Variants in NRXN3 observed in about 807,000 individuals in gnomAD.
The protein encoded by NRXN3 is neurexin 3, also known as neurexin III.
A neutral mutation model predicts 137.6 loss-of-function variants in NRXN3; 32 were observed. That is an observed-to-expected ratio of 0.23 (90% CI 0.18 to 0.31). The LOEUF (loss-of-function observed/expected upper bound fraction) is 0.31, where lower values mean the gene tolerates loss of function less well. NRXN3 is among the 10% of genes least tolerant of loss of function. The pLI is 1.00. For missense variants in NRXN3, 1,574 were observed against 2,062.5 expected, an observed-to-expected ratio of 0.76 and a Z score of 4.59; for synonymous variants, 798 against 784.5, an observed-to-expected ratio of 1.02 and a Z score of -0.29.
rs2153529713 is a variant in NRXN3, at chr14:78,300,243, T to C, written c.757+2383T>C. Among the ~76,000 whole-genome samples, 2 of 152,392 alleles carry C rather than the reference T, an allele frequency of 1.3e-5. 1 individual carries two copies. Among genetic ancestry groups the C allele is most frequent in the Middle Eastern group, 6.8e-3 (2 of 294 alleles). ...TCTTGGTCCTCATAACTCATATTAA[T>C]GTTAGGAAAATACAGGAGAACCTAG... On this transcript the variant is annotated intron_variant, in intron 4 of 20. Transcript: ENST00000335750.
intron 8 of NRXN3, among the ~76,000 whole-genome samples, chr14:78,745,612 T>C (rs2098603519): frequency 6.6e-6 from 1 of 152,234 alleles, no homozygotes; most frequent in South Asian, 2.1e-4. Flanking sequence ...TGCGTTTGCC[T>C]CTTTTCCAGA....
At chr14:79,309,832 G>A (rs1185489488) in intron 15 of NRXN3, among the ~76,000 whole-genome samples, 1 of 136,668 alleles carries the variant, frequency 7.3e-6, no homozygotes, top group East Asian at 2.3e-4. Flanking sequence ...CTGGATATTA[G>A]CCCTTTGTCA....
intron 8 of NRXN3, among the ~76,000 whole-genome samples, chr14:78,777,714 G>A (rs1011108865): frequency 6.6e-6 from 1 of 152,126 alleles, no homozygotes; most frequent in African/African-American, 2.4e-5. Flanking sequence ...CAAAAAATTA[G>A]GTGGTGCCTT....
chr14:78,612,086 C>T lies in NRXN3; in HGVS notation c.758-33034C>T, dbSNP rs536129308. ...AACAGCTTTCTGTTTTGCAAAAGACCGTGGTACATTGAGGTCCAGAGGACA... is the reference window on the plus strand; with the variant it reads ...AACAGCTTTCTGTTTTGCAAAAGACTGTGGTACATTGAGGTCCAGAGGACA... On this transcript the variant is annotated intron_variant, in intron 4 of 20. Coordinates refer to ENST00000335750, the MANE Select transcript of NRXN3 (RefSeq NM_001330195.2). 5.3e-5 allele frequency among the ~76,000 whole-genome samples: 8 copies of T among 152,216 alleles called. 1 individual carries two copies. The South Asian group carries it at 1.0e-3, about 20-fold the overall frequency.
At position 78,219,034 on chromosome 14, in the gene NRXN3, A is replaced by T. The variant is rs567764931; in HGVS notation, c.-703-23357A>T. Among the ~76,000 whole-genome samples the T allele has an allele frequency of 1.4e-3, 208 of 152,240 alleles. 2 individuals carry two copies. Among genetic ancestry groups the T allele is most frequent in the African/African-American group, 4.8e-3 (200 of 41,550 alleles). ...CTGTGTCCAAGTCACCACTTGTTAT[A>T]AGGACACCAGTTAGATTGGATTAGG... On this transcript the variant is annotated intron_variant, in intron 1 of 20. Transcript: ENST00000335750.
chr14:79,787,706 C>T (rs2099133433), intron 19 of NRXN3, among the ~76,000 whole-genome samples: 1 of 152,158 alleles, frequency 6.6e-6, no homozygotes, highest in African/African-American at 2.4e-5. Flanking sequence ...GCTCCATCCA[C>T]ATTGTTCCAA....
intron 4 of NRXN3, among the ~76,000 whole-genome samples, chr14:78,486,951 C>T (rs1301884565): frequency 1.3e-5 from 2 of 152,108 alleles, no homozygotes; most frequent in African/African-American, 4.8e-5. Context: ...AGCAAAGGGG[C>T]TTCCAAAGGA....
chr14:78,808,382 T>C (rs2098890217), intron 9 of NRXN3, among the ~76,000 whole-genome samples: 1 of 152,200 alleles, frequency 6.6e-6, no homozygotes, highest in South Asian at 2.1e-4. Flanking sequence ...ACCCACTTGT[T>C]GTTTGCAGTC....
intron 15 of NRXN3, among the ~76,000 whole-genome samples, chr14:79,269,311 A>G (rs1043376590): frequency 6.6e-6 from 1 of 152,184 alleles, no homozygotes; most frequent in Non-Finnish European, 1.5e-5. Flanking sequence ...GGCCTCCCAA[A>G]GTGCTGGGAT....
chr14:79,812,023 A>T (rs936267857), intron 20 of NRXN3, among the ~76,000 whole-genome samples: 1 of 152,200 alleles, frequency 6.6e-6, no homozygotes, highest in Non-Finnish European at 1.5e-5. Context: ...AATAGGAAAG[A>T]TCTACTAATT....
intron 19 of NRXN3, among the ~76,000 whole-genome samples, chr14:79,713,578 TATATACATATATATATACATACATATAC>T (rs534899401): frequency 0.032 from 4,469 of 138,522 alleles, 95 homozygotes; most frequent in Non-Finnish European, 0.048. Context: ...AGCTAGTTTA[TATATACATATATATATACATACATATAC>T]ATATACATAT....
intron 15 of NRXN3, among the ~76,000 whole-genome samples, chr14:79,409,780 C>T (rs2095386780): frequency 6.6e-6 from 1 of 151,584 alleles, no homozygotes; most frequent in Admixed American, 6.6e-5. Flanking sequence ...CATTCTCCAG[C>T]CCTTTGTTGT....
chr14:79,589,864 C>T (rs946172754), intron 16 of NRXN3, among the ~76,000 whole-genome samples: 3 of 152,112 alleles, frequency 2.0e-5, no homozygotes. Flanking sequence ...TTGCATAAAA[C>T]TGTAATAAAA....
intron 4 of NRXN3, among the ~76,000 whole-genome samples, chr14:78,370,776 T>G (rs2086687820): frequency 6.6e-6 from 1 of 152,230 alleles, no homozygotes; most frequent in Non-Finnish European, 1.5e-5. Flanking sequence ...CTAACTTGTT[T>G]AAGTATGGAT....
intron 4 of NRXN3, among the ~76,000 whole-genome samples, chr14:78,414,092 G>A (rs1022679789): frequency 2.0e-5 from 3 of 152,180 alleles, no homozygotes; most frequent in Admixed American, 1.3e-4. Flanking sequence ...CCCCAGCCAT[G>A]TGGAACTGTG....
intron 15 of NRXN3, among the ~76,000 whole-genome samples, chr14:79,257,150 C>T (rs1206987185): frequency 6.6e-6 from 1 of 151,972 alleles, no homozygotes; most frequent in Non-Finnish European, 1.5e-5. Flanking sequence ...ATTGCTTAAA[C>T]CTCTCTTTGA....
intron 16 of NRXN3, among the ~76,000 whole-genome samples, chr14:79,561,283 C>T (rs1555524557): frequency 6.6e-6 from 1 of 152,054 alleles, no homozygotes; most frequent in Non-Finnish European, 1.5e-5. Flanking sequence ...GAAGAGATGT[C>T]AGAAAGAGAG....
At chr14:78,185,220 G>A (rs528804978) in intron 1 of NRXN3, among the ~76,000 whole-genome samples, 15 of 152,134 alleles carry the variant, frequency 9.9e-5, no homozygotes, top group Non-Finnish European at 2.1e-4. Flanking sequence ...AGGAGGCCTC[G>A]ATCTATTATA....
At chr14:78,699,710 C>T (rs922564095) in intron 6 of NRXN3, among the ~76,000 whole-genome samples, 1 of 152,162 alleles carries the variant, frequency 6.6e-6, no homozygotes, top group Admixed American at 6.5e-5. Context: ...TTCACCTCAT[C>T]TTAATTCCTC....
Sources: allele counts gnomAD v4.1 joint callset (sites outside exome capture counted in the v4.1 genomes callset), GRCh38; gene constraint gnomAD v4.1.1; transcripts MANE v1.5; gene names NCBI Gene and HGNC (gene_info 2026-07-23, HGNC 2026-07-21).